Variants in APIP observed in about 807,000 individuals in gnomAD.
APIP encodes the protein APAF1 interacting protein.
APIP carries 32 observed loss-of-function variants against 32.0 expected under a neutral mutation model. The observed-to-expected ratio is 1.00, with a 90% CI of 0.76 to 1.34. The LOEUF (loss-of-function observed/expected upper bound fraction) is 1.34, where lower values mean the gene tolerates loss of function less well. Ranked by LOEUF, APIP falls within the 40% of genes most tolerant of loss-of-function variation. APIP has a pLI of 0.00. For synonymous variants in APIP, 92 were observed against 94.8 expected (o/e 0.97, Z 0.17); for missense variants, 247 against 298.6 (o/e 0.83, Z 1.27).
chr11:34,913,387 C>T (rs1054537364), intron 1 of APIP, among the ~76,000 whole-genome samples: 3 of 152,076 alleles, frequency 2.0e-5, no homozygotes, highest in East Asian at 1.9e-4. Context: ...ATGGTGTGTA[C>T]GGAGTTTGTT....
At chr11:34,910,949 T>A (rs1479192498) in intron 1 of APIP, among the ~76,000 whole-genome samples, 1 of 152,144 alleles carries the variant, frequency 6.6e-6, no homozygotes, top group African/African-American at 2.4e-5. Flanking sequence ...GGAGGCAAGG[T>A]CACCTTTGAA....
At chr11:34,908,228 T>C (rs1226791024) in intron 1 of APIP, among the ~76,000 whole-genome samples, 1 of 152,226 alleles carries the variant, frequency 6.6e-6, no homozygotes, top group East Asian at 1.9e-4. Context: ...TGCATTTCCA[T>C]GAACAACAAT....
chr11:34,882,995 ATAT>A (rs1207531023), intron 6 of APIP, among the ~76,000 whole-genome samples, 179 bp from the exon 7 acceptor site: 10 of 152,262 alleles, frequency 6.6e-5, no homozygotes, highest in African/African-American at 2.4e-4. Flanking sequence ...GAAAGGAATC[ATAT>A]TAAGTCATGC....
chr11:34,891,561 CA>C (rs1853186901), intron 2 of APIP, among the ~76,000 whole-genome samples: 1 of 152,078 alleles, frequency 6.6e-6, no homozygotes, highest in South Asian at 2.1e-4. Context: ...GCCTATATAC[CA>C]AGCTGCTGAA....
intron 5 of APIP, among the ~76,000 whole-genome samples, chr11:34,886,069 C>T (rs973613111): frequency 1.1e-4 from 17 of 151,878 alleles, no homozygotes; most frequent in Admixed American, 3.9e-4. Context: ...TTAGGGTGTA[C>T]TCCTTCTACT....
chr11:34,899,278 A>G (rs1853337584), intron 1 of APIP, among the ~76,000 whole-genome samples: 1 of 152,272 alleles, frequency 6.6e-6, no homozygotes, highest in African/African-American at 2.4e-5. Flanking sequence ...CTTTTGCACC[A>G]CTAGAAATCG....
intron 3 of APIP, 35 bp from the exon 4 acceptor site, chr11:34,888,904 G>A (rs756352379): frequency 8.0e-7 from 1 of 1,256,476 alleles, no homozygotes; most frequent in Non-Finnish European, 1.1e-6. Context: ...AAAAAAGAAG[G>A]CTTGTAAAAT....
At chr11:34,910,668 A>G (rs1853532254) in intron 1 of APIP, among the ~76,000 whole-genome samples, 1 of 152,198 alleles carries the variant, frequency 6.6e-6, no homozygotes, top group Non-Finnish European at 1.5e-5. Context: ...AATTGCTAAC[A>G]TTTCTTTATA....
At chr11:34,897,532 TTTTG>T (rs1853296068) in intron 1 of APIP, among the ~76,000 whole-genome samples, 1 of 151,926 alleles carries the variant, frequency 6.6e-6, no homozygotes. Flanking sequence ...GTTGGTAAGG[TTTTG>T]TTTTCTTTTA....
At chr11:34,887,014 C>G (rs1853084503) in intron 5 of APIP, among the ~76,000 whole-genome samples, 1 of 152,080 alleles carries the variant, frequency 6.6e-6, no homozygotes, top group South Asian at 2.1e-4. Context: ...ATTTTAAACT[C>G]CATCCTTTCT....
intron 1 of APIP, among the ~76,000 whole-genome samples, chr11:34,898,571 T>C (rs891322673): frequency 1.3e-5 from 2 of 150,004 alleles, no homozygotes; most frequent in African/African-American, 4.9e-5. Flanking sequence ...ATCCACAGTC[T>C]CTCTCTCTCT....
At chr11:34,905,037 C>T (rs1408585399) in intron 1 of APIP, among the ~76,000 whole-genome samples, 1 of 152,192 alleles carries the variant, frequency 6.6e-6, no homozygotes, top group African/African-American at 2.4e-5. Context: ...TTTACTACGC[C>T]ACCCTTGCAG....
chr11:34,911,163 G>A (rs148994543), intron 1 of APIP, among the ~76,000 whole-genome samples: 2 of 152,198 alleles, frequency 1.3e-5, no homozygotes, highest in Non-Finnish European at 2.9e-5. Flanking sequence ...GGGTTGGGCA[G>A]AGAAGGATAT....
chr11:34,914,363 T>G (rs1853615839), intron 1 of APIP, among the ~76,000 whole-genome samples: 1 of 152,216 alleles, frequency 6.6e-6, no homozygotes, highest in African/African-American at 2.4e-5. Flanking sequence ...AATTAATCAC[T>G]TACAGTTGAA....
chr11:34,883,571 T>G, intron 5 of APIP, 67 bp from the exon 6 acceptor site: 4 of 1,506,820 alleles, frequency 2.7e-6, no homozygotes, highest in Non-Finnish European at 3.6e-6. Flanking sequence ...ATACAACATG[T>G]AATTTTTTCA....
chr11:34,900,438 T>G (rs888138201), intron 1 of APIP, among the ~76,000 whole-genome samples: 1 of 152,084 alleles, frequency 6.6e-6, no homozygotes, highest in African/African-American at 2.4e-5. Flanking sequence ...GCCATGAGGG[T>G]TCAAGTTCCC....
intron 1 of APIP, among the ~76,000 whole-genome samples, chr11:34,905,814 C>T (rs544700246): frequency 1.7e-4 from 26 of 152,236 alleles, no homozygotes; most frequent in Non-Finnish European, 2.8e-4. Context: ...TCCAAACATG[C>T]CCCCTCATGG....
At chr11:34,904,735 C>G (rs995119376) in intron 1 of APIP, among the ~76,000 whole-genome samples, 11 of 152,194 alleles carry the variant, frequency 7.2e-5, no homozygotes, top group African/African-American at 2.7e-4. Context: ...GGACCTTACA[C>G]TGTTCTTCTT....
chr11:34,915,571 C>T (rs1038803866), intron 1 of APIP, among the ~76,000 whole-genome samples: 25 of 152,172 alleles, frequency 1.6e-4, no homozygotes, highest in Admixed American at 1.3e-3. Flanking sequence ...ATTTATCTTA[C>T]GTATCCCTAT....
Sources: gnomAD v4.1 joint callset for allele counts (sites outside exome capture counted in the v4.1 genomes callset) on GRCh38, gnomAD v4.1.1 for gene constraint, MANE v1.5 for transcripts, NCBI Gene and HGNC (gene_info 2026-07-23, HGNC 2026-07-21) for gene names.